The following PIBF1 variants were observed in gnomAD, a reference collection of about 807,000 sequenced individuals.
PIBF1 encodes progesterone-induced-blocking factor 1.
In PIBF1, 90 loss-of-function variants were observed where a neutral mutation model predicts 112.5. That is an observed-to-expected ratio of 0.80 (90% CI 0.67 to 0.95). The LOEUF (loss-of-function observed/expected upper bound fraction) is 0.95, where lower values mean the gene tolerates loss of function less well. PIBF1 is among the 40% of genes least tolerant of loss of function. PIBF1 has a pLI of 0.00. For missense variants in PIBF1, 915 were observed against 852.3 expected, an observed-to-expected ratio of 1.07 and a Z score of -0.92; for synonymous variants, 301 against 288.6, an observed-to-expected ratio of 1.04 and a Z score of -0.44.
chr13:72,794,457 A>G (rs1298674567), intron 3 of PIBF1, among the ~76,000 whole-genome samples: 1 of 152,140 alleles, frequency 6.6e-6, no homozygotes, highest in Non-Finnish European at 1.5e-5. Flanking sequence ...AGGGAAGGGG[A>G]AAATCAGTAA....
At chr13:72,895,833 G>A (rs1323226075) in intron 11 of PIBF1, among the ~76,000 whole-genome samples, 1 of 152,098 alleles carries the variant, frequency 6.6e-6, no homozygotes, top group Non-Finnish European at 1.5e-5. Context: ...GCAGGACCCG[G>A]AAGACACCCC....
intron 10 of PIBF1, 117 bp downstream of exon 10, chr13:72,854,272 A>G (rs1467013047): frequency 6.3e-6 from 4 of 635,494 alleles, no homozygotes; most frequent in Middle Eastern, 3.3e-4. Context: ...AGGAGAGACT[A>G]ATTTTCATTT....
chr13:72,923,948 G>A (rs1042874206), intron 13 of PIBF1, among the ~76,000 whole-genome samples: 1 of 152,128 alleles, frequency 6.6e-6, no homozygotes, highest in Non-Finnish European at 1.5e-5. Flanking sequence ...TGGGCGACAA[G>A]AGCGAAACTC....
At chr13:72,815,888 A>G (rs1195611997) in intron 5 of PIBF1, among the ~76,000 whole-genome samples, 1 of 152,200 alleles carries the variant, frequency 6.6e-6, no homozygotes, top group East Asian at 1.9e-4. Context: ...CTTTTCTTGC[A>G]TTGATAAATT....
At chr13:72,992,568 C>A (rs1364217997) in intron 16 of PIBF1, among the ~76,000 whole-genome samples, 1 of 152,084 alleles carries the variant, frequency 6.6e-6, no homozygotes, top group Non-Finnish European at 1.5e-5. Flanking sequence ...CCGAGGCAGG[C>A]AGATCACTTG....
chr13:72,796,012 A>G (rs1295376782), intron 4 of PIBF1, among the ~76,000 whole-genome samples: 1 of 152,176 alleles, frequency 6.6e-6, no homozygotes, highest in Non-Finnish European at 1.5e-5. Context: ...AGTGGTCTCA[A>G]ATATTTTGGT....
intron 14 of PIBF1, among the ~76,000 whole-genome samples, chr13:72,946,145 T>C (rs1287187429): frequency 6.6e-6 from 1 of 152,154 alleles, no homozygotes; most frequent in East Asian, 1.9e-4. Flanking sequence ...TGACTCACAG[T>C]TCTGCAGGGC....
rs557881316 is a variant in PIBF1, at chr13:72,942,471, C to A, written c.1833+11204C>A. 1.8e-4 allele frequency among the ~76,000 whole-genome samples: 28 copies of A among 152,114 alleles called. 2 individuals carry two copies. The South Asian group carries it at 5.8e-3, about 32-fold the overall frequency. On this transcript the variant is annotated intron_variant, in intron 14 of 17. Transcript: ENST00000326291. The stretch of plus-strand genomic sequence containing the variant: ...TTTTTCTTCTGTTTCAATGCCGAAT[C>A]CCTTGTGATCTTTTTAGATACTTAA...
intron 12 of PIBF1, among the ~76,000 whole-genome samples, chr13:72,913,672 A>G (rs1043850523): frequency 6.6e-6 from 1 of 151,942 alleles, no homozygotes; most frequent in Non-Finnish European, 1.5e-5. Flanking sequence ...GTGAGGTGGG[A>G]TGATCGCCTG....
Position 72,968,544 on chromosome 13 carries a change from G to A in PIBF1, c.1964+3140G>A, listed in dbSNP as rs150321790. ...TTGAACTCCTGACCTCAAATGATCC[G>A]CTGGCCTTGGCCTCCCAAAGTGCTG... On this transcript the variant is annotated intron_variant, in intron 15 of 17. Coordinates refer to ENST00000326291, the MANE Select transcript of PIBF1 (RefSeq NM_006346.4). 8.8e-3 allele frequency among the ~76,000 whole-genome samples: 1,329 copies of A among 151,824 alleles called. 63 individuals carry two copies. Among genetic ancestry groups the A allele is most frequent in the East Asian group, 9.6e-3 (49 of 5,110 alleles).
chr13:72,984,284 T>C (rs1012421646), intron 16 of PIBF1, among the ~76,000 whole-genome samples: 3 of 152,182 alleles, frequency 2.0e-5, no homozygotes, highest in Admixed American at 1.3e-4. Context: ...AGATGAATTA[T>C]GTTATACTAC....
At chr13:72,999,698 G>A (rs2043794413) in intron 17 of PIBF1, among the ~76,000 whole-genome samples, 1 of 152,172 alleles carries the variant, frequency 6.6e-6, no homozygotes, top group Non-Finnish European at 1.5e-5. Context: ...AAGATTAATA[G>A]GATGAAAGAG....
chr13:72,838,349 G>A (rs1322567478), intron 9 of PIBF1, among the ~76,000 whole-genome samples: 1 of 152,106 alleles, frequency 6.6e-6, no homozygotes, highest in African/African-American at 2.4e-5. Context: ...CCTAGCCTTG[G>A]GAGGAATTGG....
At chr13:72,905,142 A>G (rs1461312312) in intron 11 of PIBF1, among the ~76,000 whole-genome samples, 3 of 151,034 alleles carry the variant, frequency 2.0e-5, no homozygotes, top group Non-Finnish European at 4.4e-5. Context: ...ATCTCAGCTC[A>G]CCGCAACCTC....
intron 14 of PIBF1, among the ~76,000 whole-genome samples, chr13:72,950,644 T>C (rs1045666315): frequency 5.9e-5 from 9 of 152,150 alleles, no homozygotes; most frequent in African/African-American, 2.2e-4. Context: ...TAATAATGTT[T>C]GTTAAGTGTT....
chr13:72,850,569 A>G (rs1487545275), intron 9 of PIBF1, among the ~76,000 whole-genome samples: 4 of 152,176 alleles, frequency 2.6e-5, no homozygotes, highest in African/African-American at 9.7e-5. Context: ...AAGCTTCTCC[A>G]TCTACCAATT....
intron 13 of PIBF1, among the ~76,000 whole-genome samples, chr13:72,927,227 C>T (rs113620153): frequency 7.2e-5 from 11 of 152,196 alleles, no homozygotes; most frequent in African/African-American, 2.4e-4. Flanking sequence ...TGCCACTGTC[C>T]GGGCGTGGTG....
intron 16 of PIBF1, 163 bp downstream of exon 16, chr13:72,973,838 C>A (rs78900416): frequency 1.9e-6 from 1 of 533,178 alleles, no homozygotes; most frequent in Non-Finnish European, 3.3e-6. Context: ...TGATATACTT[C>A]TTAGAGTTAA....
At chr13:72,977,983 T>TA (rs1353356440) in intron 16 of PIBF1, among the ~76,000 whole-genome samples, 1 of 152,132 alleles carries the variant, frequency 6.6e-6, no homozygotes, top group Non-Finnish European at 1.5e-5. Flanking sequence ...CTGGGTTGGG[T>TA]AAATATATTA....
Sources: allele counts gnomAD v4.1 joint callset (sites outside exome capture counted in the v4.1 genomes callset), GRCh38; gene constraint gnomAD v4.1.1; transcripts MANE v1.5; gene names NCBI Gene and HGNC (gene_info 2026-07-23, HGNC 2026-07-21).